SEMA6C: variants seen among roughly 807,000 people sequenced by gnomAD.
SEMA6C encodes semaphorin-6C.
SEMA6C carries 37 observed loss-of-function variants against 72.9 expected under a neutral mutation model. The ratio of observed to expected loss-of-function variants is 0.51; its 90% CI spans 0.39 to 0.67. The LOEUF (loss-of-function observed/expected upper bound fraction) is 0.67. SEMA6C is among the 30% of genes least tolerant of loss of function. The pLI, the probability that SEMA6C is intolerant of heterozygous loss-of-function variation, is 0.00. For synonymous variants in SEMA6C, 578 were observed against 554.1 expected (o/e 1.04, Z -0.61); for missense variants, 1,189 against 1,263.6 (o/e 0.94, Z 0.89).
At chr1:151,135,002 C>A in intron 15 of SEMA6C, 127 bp from the exon 16 acceptor site, 1 of 1,332,318 alleles carries the variant, frequency 7.5e-7, no homozygotes. Context: ...ACCTCAGTCT[C>A]TCCACACCCT....
In SEMA6C at chr1:151,133,117, C is replaced by A; in HGVS notation, c.2160G>T (p.Glu720Asp). 1 of 1,566,802 alleles carries A rather than the reference C, an allele frequency of 6.4e-7. No homozygotes were observed. The highest frequency in any genetic ancestry group is 8.6e-7 in the Non-Finnish European group (1 of 1,167,934). The change falls in exon 19 of 19, where the codon GAG becomes GAT. Residue 720 changes from glutamate (E) to aspartate (D), a missense_variant. Transcript: ENST00000368914. This position sits in a 1 kb window ranked among gnomAD's most constrained non-coding sequence, Gnocchi z 5.9. ...KHLRAAGDPW[E>D]WNQNRNNAKE... ...TGGCGTTGTTCCTGTTCTGGTTCCA[C>A]TCCCAGGGGTCCCCGGCGGCGCGGA...
rs1226853328 is a variant in SEMA6C, at chr1:151,132,169, A to G, written c.*315T>C. 3.6e-6 allele frequency: 5 copies of G among 1,406,324 alleles called. No individual in the cohort carries two copies. In the African/African-American group the frequency reaches 4.3e-5, roughly 12 times the overall value. The allele number at this position is 1,406,324 out of a possible 1,614,324, so 87.1% of individuals were successfully genotyped here. On this transcript the variant is annotated 3_prime_UTR_variant, in exon 19 of 19. Transcript: ENST00000368914. ...AGCGCGCGCGGCCCGCCCGGGGCAC[A>G]GTCTCTGGGGGAGCCCCGAGGGGCG...
chr1:151,140,982 T>C (rs587656239), intron 3 of SEMA6C, among the ~76,000 whole-genome samples: 1 of 142,232 alleles, frequency 7.0e-6, no homozygotes, highest in African/African-American at 2.6e-5. Context: ...TGGGCAACAG[T>C]GCAAGACTCC....
intron 1 of SEMA6C, 100 bp from the exon 2 acceptor site, chr1:151,144,534 G>A (rs12089658): frequency 0.1 from 15,611 of 152,670 alleles, 1,026 homozygotes; most frequent in African/African-American, 0.19. Context: ...GTCTGCTGAC[G>A]CTTGGGTAGG....
At chr1:151,141,162 T>A (rs1682512425) in intron 3 of SEMA6C, among the ~76,000 whole-genome samples, 1 of 152,154 alleles carries the variant, frequency 6.6e-6, no homozygotes, top group African/African-American at 2.4e-5. Context: ...TGCAAATAGA[T>A]AAAGGTTCTT....
At chr1:151,143,214 G>C (rs4512652) in intron 2 of SEMA6C, among the ~76,000 whole-genome samples, 94,922 of 152,088 alleles carry the variant, frequency 0.62, 31,188 homozygotes, top group East Asian at 0.84. Flanking sequence ...AGACACAGTT[G>C]GGGGAGGCAG....
intron 10 of SEMA6C, among the ~76,000 whole-genome samples, chr1:151,137,466 C>T (rs1346547538): frequency 9.3e-6 from 1 of 107,254 alleles, no homozygotes; most frequent in Non-Finnish European, 2.1e-5. Flanking sequence ...AAAAAAAGAG[C>T]ACCAAGGGAG....
At position 151,137,867 on chromosome 1, in the gene SEMA6C, A is replaced by C; in HGVS notation, c.668-68T>G. On this transcript the variant is annotated intron_variant, in intron 9 of 18. Transcript: ENST00000368914. ...TACCTGCTCAGAAGCTCCTGGCCCC[A>C]CACCGCTCTCCCCATTGCATACATA... The C allele has an allele frequency of 3.2e-6, 5 of 1,581,108 alleles. No homozygotes were observed. The South Asian group carries it at 5.7e-5, about 18-fold the overall frequency.
chr1:151,137,135 A>T, intron 10 of SEMA6C, 61 bp from the exon 11 acceptor site: 2 of 1,483,974 alleles, frequency 1.3e-6, no homozygotes, highest in Non-Finnish European at 1.9e-6. Flanking sequence ...GCTGCATGCA[A>T]GGAGTGTGGT....
rs752924554 is a variant in SEMA6C, at chr1:151,136,570, G to C, written c.984C>G (p.Gly328=). 4 of 1,613,940 alleles carry C rather than the reference G, an allele frequency of 2.5e-6. No homozygotes were observed. In the African/African-American group the frequency reaches 5.3e-5, roughly 22 times the overall value. Residue 328 remains glycine (G), a synonymous_variant, in exon 12 of 19, where the codon GGC becomes GGG. Transcript: ENST00000368914. ...CCAGGTAGAAGGCGCAGACGGCAGA[G>C]CCAGGGATGCTGGAGGAGCCAGAAA... The part of the protein sequence containing the change: ...VFTTQTNSIP[G]SAVCAFYLDE...
At chr1:151,140,813 T>A (rs1264480432) in intron 3 of SEMA6C, among the ~76,000 whole-genome samples, 2 of 152,134 alleles carry the variant, frequency 1.3e-5, no homozygotes, top group Non-Finnish European at 2.9e-5. Context: ...GCTAACATGG[T>A]GAAACCCCAT....
In SEMA6C at chr1:151,134,427, T is replaced by A; in HGVS notation, c.1733A>T (p.Gln578Leu). The change falls in exon 18 of 19, where the codon CAG (glutamine) becomes CTG (leucine). Residue 578 changes from glutamine to leucine, a missense_variant. Around this residue, in one of 2 missense-constraint regions of SEMA6C, gnomAD observed 721 missense variants for 686.2 expected, o/e 1.05. Transcript: ENST00000368914. ...GDCQDGATGS[Q>L]SGPGDSAYGV... The stretch of plus-strand genomic sequence containing the variant: ...ATAAGCAGAATCCCCAGGGCCAGAC[T>A]GACTCCCAGTAGCTCCATCTATGAA... 1 of 1,598,732 alleles carries A rather than the reference T, an allele frequency of 6.3e-7. No individual in the cohort carries two copies. The highest frequency in any genetic ancestry group is 8.5e-7 in the Non-Finnish European group (1 of 1,172,292).
chr1:151,135,981 G>A (rs751131818), intron 13 of SEMA6C, 30 bp downstream of exon 13: 3 of 1,613,562 alleles, frequency 1.9e-6, no homozygotes, highest in South Asian at 1.1e-5. Flanking sequence ...AGAACAGGGA[G>A]GCAGTGGTCA....
chr1:151,137,912 C>A (rs587616034), intron 9 of SEMA6C, 74 bp downstream of exon 9: 2 of 1,588,078 alleles, frequency 1.3e-6, no homozygotes, highest in East Asian at 2.2e-5. Flanking sequence ...ACACCATTTG[C>A]CTGCTCCCCG....
chr1:151,132,951 C>G lies in SEMA6C; in HGVS notation c.2326G>C (p.Gly776Arg). ...TLEELLRYLH[G>R]PQPPRKGAEP... Reference sequence around the variant, plus strand: ...GCCCCCTTTCTGGGCGGCTGCGGGCCGTGCAGGTAGCGCAGCAGTTCCTCC... The same window carrying G: ...GCCCCCTTTCTGGGCGGCTGCGGGCGGTGCAGGTAGCGCAGCAGTTCCTCC... Residue 776 changes from glycine to arginine, a missense_variant, in exon 19 of 19, where the codon GGC (glycine) becomes CGC (arginine). Transcript: ENST00000368914. 2 of 1,409,412 alleles carry G rather than the reference C, an allele frequency of 1.4e-6. No individual in the cohort carries two copies. The highest frequency in any genetic ancestry group is 3.6e-5 in the East Asian group (1 of 27,440). 87.3% of individuals were successfully genotyped at this position (1,409,412 alleles called of 1,614,324 possible). A position where few individuals can be genotyped will look rare whatever the true frequency, so the allele number is the denominator to read the frequency against.
At chr1:151,142,757 G>T (rs1682655282) in intron 2 of SEMA6C, 82 bp from the exon 3 acceptor site, 4 of 674,654 alleles carry the variant, frequency 5.9e-6, no homozygotes, top group Non-Finnish European at 9.9e-6. Flanking sequence ...CTCTCCTGGT[G>T]TATCCCCAGA....
rs762455224 is a variant in SEMA6C at position 151,133,132 on chromosome 1, G to A, written c.2145C>T (p.Ala715=). 7 of 1,561,760 alleles carry A rather than the reference G, an allele frequency of 4.5e-6. No individual in the cohort carries two copies. The highest frequency in any genetic ancestry group is 1.2e-5 in the South Asian group (1 of 85,918). The change falls in exon 19 of 19, where the codon GCC becomes GCT. Residue 715 remains alanine (A), a synonymous_variant. Coordinates refer to ENST00000368914, the MANE Select transcript of SEMA6C (RefSeq NM_030913.6). The surrounding 1 kb of genome is among the most constrained non-coding windows in gnomAD (Gnocchi z 5.9). ...TCTGGTTCCACTCCCAGGGGTCCCC[G>A]GCGGCGCGGAGGTGCTTGACCGGCA... ...PELPVKHLRA[A]GDPWEWNQNR...
chr1:151,134,044 G>C, intron 18 of SEMA6C: 1 of 1,521,194 alleles, frequency 6.6e-7, no homozygotes, highest in Non-Finnish European at 8.8e-7. Context: ...GAAGGGCCAG[G>C]ACCCGGAAGC....
At chr1:151,138,524 G>T in intron 7 of SEMA6C, 106 bp downstream of exon 7, 1 of 1,418,786 alleles carries the variant, frequency 7.0e-7, no homozygotes, top group Non-Finnish European at 9.8e-7. Flanking sequence ...TGCATTCTGG[G>T]CACTCCCATT....
Sources: gnomAD v4.1 joint callset for allele counts (sites outside exome capture counted in the v4.1 genomes callset) on GRCh38, gnomAD v4.1.1 for gene constraint, gnomAD v4.1.1 regional missense constraint, Gnocchi (gnomAD v3.1) non-coding constraint, MANE v1.5 for transcripts, NCBI Gene and HGNC (gene_info 2026-07-23, HGNC 2026-07-21) for gene names.